Variants in MTREX observed in about 807,000 individuals in gnomAD.
MTREX encodes Mtr4 exosome RNA helicase, also known as exosome RNA helicase MTR4.
Under a neutral mutation model 135.4 loss-of-function variants are expected in MTREX, and 76 were observed. The observed-to-expected ratio is 0.56, with a 90% CI of 0.47 to 0.68. The LOEUF is 0.68. Ranked by LOEUF, MTREX falls within the 30% of genes least tolerant of loss-of-function variation. MTREX has a pLI of 0.00. For synonymous variants in MTREX, 404 were observed against 401.6 expected (o/e 1.01, Z -0.07); for missense variants, 920 against 1,262.1 (o/e 0.73, Z 4.11).
chr5:55,381,484 T>A (rs765934925), intron 18 of MTREX, among the ~76,000 whole-genome samples: 1 of 152,212 alleles, frequency 6.6e-6, no homozygotes, highest in African/African-American at 2.4e-5. Context: ...CTCAAAGTAT[T>A]TTCTAATTTC....
chr5:55,319,899 A>G (rs1272871584), intron 1 of MTREX, among the ~76,000 whole-genome samples: 1 of 152,178 alleles, frequency 6.6e-6, no homozygotes, highest in East Asian at 1.9e-4. Context: ...ACCAGCTCCT[A>G]ATAGAATGTT....
rs1216237147 is a variant in MTREX at position 55,424,826 on chromosome 5, G to A, written c.*54G>A. 4.6e-6 allele frequency: 6 copies of A among 1,294,716 alleles called. No homozygotes were observed. The highest frequency in any genetic ancestry group is 1.8e-4 in the Middle Eastern group (1 of 5,486). 80.2% of individuals were successfully genotyped at this position (1,294,716 alleles called of 1,614,324 possible). A position where few individuals can be genotyped will look rare whatever the true frequency, so the allele number is the denominator to read the frequency against. ...ATTATTGACCACCTGTTTGATTACA[G>A]TTGACTACAAATGCCTGCAAGTGTG... On this transcript the variant is annotated 3_prime_UTR_variant, in exon 27 of 27. Transcript: ENST00000230640.
At chr5:55,338,346 C>T (rs541390110) in intron 5 of MTREX, among the ~76,000 whole-genome samples, 1 of 152,154 alleles carries the variant, frequency 6.6e-6, no homozygotes, top group Non-Finnish European at 1.5e-5. Context: ...TTTCATTCTA[C>T]TCCATTGTTT....
chr5:55,401,297 A>C (rs1438260075), intron 21 of MTREX, among the ~76,000 whole-genome samples: 1 of 152,192 alleles, frequency 6.6e-6, no homozygotes, highest in East Asian at 1.9e-4. Flanking sequence ...AGCCTCCCAA[A>C]GTGCCGGGAT....
intron 5 of MTREX, among the ~76,000 whole-genome samples, chr5:55,338,782 T>G (rs905604204): frequency 7.0e-6 from 1 of 143,296 alleles, no homozygotes; most frequent in African/African-American, 2.7e-5. Context: ...TAGACTTTCT[T>G]TTTCTTTTTT....
chr5:55,410,049 T>C (rs976724196), intron 22 of MTREX, among the ~76,000 whole-genome samples: 1 of 152,194 alleles, frequency 6.6e-6, no homozygotes, highest in Non-Finnish European at 1.5e-5. Context: ...ACCCCATCTC[T>C]ACTATAATAT....
chr5:55,340,531 CCGT>C (rs200634073), intron 6 of MTREX, among the ~76,000 whole-genome samples: 1,604 of 152,012 alleles, frequency 0.011, 21 homozygotes, highest in African/African-American at 0.037. Flanking sequence ...TGTGACTTTG[CCGT>C]CTTCTATATC....
chr5:55,323,407 G>A (rs1749320070), intron 2 of MTREX, among the ~76,000 whole-genome samples: 1 of 151,954 alleles, frequency 6.6e-6, no homozygotes, highest in Non-Finnish European at 1.5e-5. Context: ...CATAATGTAG[G>A]ATTTTGATGA....
chr5:55,340,736 C>T (rs1749635381), intron 6 of MTREX, among the ~76,000 whole-genome samples: 1 of 152,162 alleles, frequency 6.6e-6, no homozygotes, highest in Non-Finnish European at 1.5e-5. Flanking sequence ...CGCCCGCCAC[C>T]ATGCCCAGCT....
intron 15 of MTREX, among the ~76,000 whole-genome samples, chr5:55,363,547 T>A (rs1183461578): frequency 6.6e-6 from 1 of 152,168 alleles, no homozygotes; most frequent in Non-Finnish European, 1.5e-5. Context: ...TAGGTGATCC[T>A]CTTATTAGGC....
At chr5:55,373,302 T>C (rs979364330) in intron 16 of MTREX, among the ~76,000 whole-genome samples, 7 of 151,740 alleles carry the variant, frequency 4.6e-5, no homozygotes, top group Non-Finnish European at 1.0e-4. Context: ...TGGGTTTTTT[T>C]ACTCCATTAG....
intron 16 of MTREX, among the ~76,000 whole-genome samples, chr5:55,374,950 G>A (rs183809260): frequency 2.6e-4 from 39 of 152,218 alleles, no homozygotes; most frequent in African/African-American, 8.9e-4. Flanking sequence ...TTTAAAGCCG[G>A]GCGTCCAGGG....
At chr5:55,334,744 A>G (rs916350367) in intron 5 of MTREX, among the ~76,000 whole-genome samples, 1 of 151,996 alleles carries the variant, frequency 6.6e-6, no homozygotes, top group Non-Finnish European at 1.5e-5. Flanking sequence ...ACCCATTCCT[A>G]TCTCTAGCCA....
intron 5 of MTREX, 125 bp downstream of exon 5, chr5:55,328,936 A>T: frequency 3.6e-6 from 2 of 551,712 alleles, no homozygotes; most frequent in Non-Finnish European, 6.4e-6. Context: ...TTTCTTTTTC[A>T]TGTCTTATTG....
intron 6 of MTREX, among the ~76,000 whole-genome samples, chr5:55,341,432 G>A (rs1392405358): frequency 6.6e-6 from 1 of 152,088 alleles, no homozygotes; most frequent in East Asian, 1.9e-4. Flanking sequence ...ATTAGTAACT[G>A]TTTAGAAGCC....
chr5:55,422,833 C>G (rs747828287), intron 25 of MTREX, 45 bp from the exon 26 acceptor site: 1 of 1,517,710 alleles, frequency 6.6e-7, no homozygotes, highest in Non-Finnish European at 9.0e-7. Flanking sequence ...TCTGCTGTTC[C>G]TGATTATTTC....
At position 55,308,123 on chromosome 5, in the gene MTREX, C is replaced by T. The variant is rs771507477; in HGVS notation, c.110C>T (p.Pro37Leu). ...AAGGACAAGGGGAAATGGAAGGGGC[C>T]TCCAGGGTCTGCAGACAAGGCAGGG... is the stretch of plus-strand genomic sequence containing the variant. ...KEKDKGKWKG[P>L]PGSADKAGKR... is the part of the protein sequence containing the mutation. Residue 37 changes from proline to leucine, a missense_variant, in exon 1 of 27, where the codon CCT becomes CTT. Coordinates refer to ENST00000230640, the MANE Select transcript of MTREX (RefSeq NM_015360.5). The T allele has an allele frequency of 3.1e-6, 5 of 1,611,142 alleles. No homozygotes were observed. In the East Asian group the frequency reaches 6.7e-5, roughly 22 times the overall value.
chr5:55,318,084 C>T (rs928187990), intron 1 of MTREX, among the ~76,000 whole-genome samples: 5 of 152,134 alleles, frequency 3.3e-5, no homozygotes, highest in Non-Finnish European at 5.9e-5. Flanking sequence ...CATCTAACAC[C>T]AGTCAGAATG....
chr5:55,424,926 CAT>C lies in MTREX; in HGVS notation c.*155_*156del. 1 of 631,120 alleles carries C rather than the reference CAT, an allele frequency of 1.6e-6. No homozygotes were observed. Among genetic ancestry groups the C allele is most frequent in the Non-Finnish European group, 2.7e-6 (1 of 366,834 alleles). The allele number at this position is 631,120 out of a possible 1,614,324, so 39.1% of individuals were successfully genotyped here. A position where few individuals can be genotyped will look rare whatever the true frequency, so the allele number is the denominator to read the frequency against. On this transcript the variant is annotated 3_prime_UTR_variant, in exon 27 of 27. Coordinates refer to ENST00000230640, the MANE Select transcript of MTREX (RefSeq NM_015360.5). ...TCATTCATAGAAAGCATATTACATA[CAT>C]GTTTATACATAAGCATTACATTTTT... is the stretch of plus-strand genomic sequence containing the variant.
Sources: gnomAD v4.1 joint callset for allele counts (sites outside exome capture counted in the v4.1 genomes callset) on GRCh38, gnomAD v4.1.1 for gene constraint, MANE v1.5 for transcripts, NCBI Gene and HGNC (gene_info 2026-07-23, HGNC 2026-07-21) for gene names.